Variants in PIWIL4 observed in about 807,000 individuals in gnomAD.
PIWIL4 encodes piwi like RNA-mediated gene silencing 4.
Under a neutral mutation model 100.9 loss-of-function variants are expected in PIWIL4, and 50 were observed. That is an observed-to-expected ratio of 0.50 (90% CI 0.39 to 0.63). The LOEUF (loss-of-function observed/expected upper bound fraction) is 0.63, where lower values mean the gene tolerates loss of function less well. Among genes scored for constraint, PIWIL4 ranks in the 20% least tolerant of loss-of-function variants. The pLI is 0.00. For missense variants in PIWIL4, 887 were observed against 1,043.3 expected (o/e 0.85, Z 2.06); for synonymous variants, 342 against 367.5 (o/e 0.93, Z 0.79).
At chr11:94,568,273 A>G (rs1297752884) in intron 1 of PIWIL4, among the ~76,000 whole-genome samples, 1 of 152,178 alleles carries the variant, frequency 6.6e-6, no homozygotes, top group African/African-American at 2.4e-5. Flanking sequence ...GTTACTATGA[A>G]AAGAGAAAAT....
At chr11:94,604,782 G>A (rs539109688) in intron 13 of PIWIL4, among the ~76,000 whole-genome samples, 2 of 152,242 alleles carry the variant, frequency 1.3e-5, no homozygotes, top group African/African-American at 4.8e-5. Flanking sequence ...CGCTCACTCA[G>A]TTCAACATCC....
intron 11 of PIWIL4, among the ~76,000 whole-genome samples, chr11:94,598,534 C>T (rs1948589807): frequency 1.3e-5 from 2 of 152,118 alleles, no homozygotes; most frequent in South Asian, 4.2e-4. Flanking sequence ...AAAAATTATA[C>T]ATTATCTTTC....
At chr11:94,611,833 A>G (rs921325249) in intron 15 of PIWIL4, among the ~76,000 whole-genome samples, 1 of 152,194 alleles carries the variant, frequency 6.6e-6, no homozygotes, top group African/African-American at 2.4e-5. Context: ...TGCTGGCACT[A>G]TGCTTTATGT....
chr11:94,617,837 C>T, intron 16 of PIWIL4, 117 bp from the exon 17 acceptor site: 3 of 1,050,382 alleles, frequency 2.9e-6, no homozygotes, highest in Admixed American at 2.0e-5. Flanking sequence ...TATGTATTGC[C>T]CTATTTTACA....
intron 6 of PIWIL4, 37 bp downstream of exon 6, chr11:94,585,562 T>C: frequency 6.8e-7 from 1 of 1,466,228 alleles, no homozygotes; most frequent in Non-Finnish European, 9.5e-7. Context: ...TCCGAAATTA[T>C]TATAATGTGA....
At chr11:94,587,429 G>GTCCACAAGC (rs1334603786) in intron 7 of PIWIL4, among the ~76,000 whole-genome samples, 182 bp downstream of exon 7, 1 of 152,168 alleles carries the variant, frequency 6.6e-6, no homozygotes. Context: ...ATTCTGGACT[G>GTCCACAAGC]TCCACAAGCT....
chr11:94,600,487 G>A lies in PIWIL4; in HGVS notation c.1381-1308G>A, dbSNP rs947280177. On this transcript the variant is annotated intron_variant, in intron 11 of 19. Coordinates refer to ENST00000299001, the MANE Select transcript of PIWIL4 (RefSeq NM_152431.3). ...AAAGGGGAGGGAGTGTACGAATAGGGTGTCGGTCACAAAGATCACGTACTT... is the reference window on the plus strand; with the variant it reads ...AAAGGGGAGGGAGTGTACGAATAGGATGTCGGTCACAAAGATCACGTACTT... Among the ~76,000 whole-genome samples, 8 of 152,270 alleles carry A rather than the reference G, an allele frequency of 5.3e-5. No homozygotes were observed. The South Asian group carries it at 1.0e-3, about 20-fold the overall frequency.
At chr11:94,568,934 C>T (rs1228249047) in intron 2 of PIWIL4, 126 bp downstream of exon 2, 66 of 794,344 alleles carry the variant, frequency 8.3e-5, no homozygotes, top group Non-Finnish European at 1.2e-5. Context: ...TGAAGGATCC[C>T]CTTTGTCATG....
Position 94,597,831 on chromosome 11 carries a change from G to C in PIWIL4, c.1296G>C (p.Glu432Asp). ...ATACCAATGCTCGCTTTGAACTAGA[G>C]ACCTGGGGACTGCATTTTGGAAGCC... is the stretch of plus-strand genomic sequence containing the variant. ...QRNTNARFEL[E>D]TWGLHFGSQI... Residue 432 changes from glutamate to aspartate, a missense_variant, in exon 11 of 20, where the codon GAG becomes GAC. Physicochemically the swap from Glu to Asp is conservative, Grantham distance 45 (BLOSUM62 2). Transcript: ENST00000299001. The C allele has an allele frequency of 2.5e-6, 4 of 1,613,882 alleles. No homozygotes were observed. Among genetic ancestry groups the C allele is most frequent in the Non-Finnish European group, 3.4e-6 (4 of 1,179,836 alleles).
At chr11:94,612,880 A>G (rs567565230) in intron 15 of PIWIL4, among the ~76,000 whole-genome samples, 43 of 152,262 alleles carry the variant, frequency 2.8e-4, no homozygotes, top group Non-Finnish European at 4.3e-4. Context: ...TTGTGTATAT[A>G]TGCATTAATT....
intron 7 of PIWIL4, among the ~76,000 whole-genome samples, chr11:94,587,449 C>T (rs866463486): frequency 1.3e-5 from 2 of 152,234 alleles, no homozygotes; most frequent in South Asian, 2.1e-4. Flanking sequence ...TCCAAATTCT[C>T]GCTTGCGGTA....
intron 11 of PIWIL4, among the ~76,000 whole-genome samples, chr11:94,600,076 T>C (rs952310316): frequency 6.6e-6 from 1 of 152,166 alleles, no homozygotes; most frequent in African/African-American, 2.4e-5. Flanking sequence ...GCCAAAGGCA[T>C]CATTCAATTA....
chr11:94,578,079 TC>T (rs1948263386), intron 4 of PIWIL4, among the ~76,000 whole-genome samples: 1 of 152,118 alleles, frequency 6.6e-6, no homozygotes, highest in African/African-American at 2.4e-5. Flanking sequence ...CTGGAGCATC[TC>T]AAGAAACTAT....
rs1334152598 is a variant in PIWIL4 at position 94,593,656 on chromosome 11, TTATACCTCTGTCAGGCTCCTGG to T, written c.1150+16_1150+37del. ...CTTTCTAACAGGTAATGTTTGTGTT[TTATACCTCTGTCAGGCTCCTGG>T]ATACAGGCCCCTGATGCTTGGCAGT... On this transcript the variant is annotated intron_variant, in intron 9 of 19. Transcript: ENST00000299001. 6.2e-7 allele frequency: 1 copy of T among 1,612,874 alleles called. No homozygotes were observed. The highest frequency in any genetic ancestry group is 2.2e-5 in the East Asian group (1 of 44,854).
At chr11:94,582,767 C>T (rs1211839926) in intron 4 of PIWIL4, among the ~76,000 whole-genome samples, 1 of 152,218 alleles carries the variant, frequency 6.6e-6, no homozygotes, top group African/African-American at 2.4e-5. Flanking sequence ...GACCTTTCAG[C>T]AATTTATAAA....
Position 94,592,611 on chromosome 11 carries a change from G to A in PIWIL4, c.1027-907G>A, listed in dbSNP as rs559730472. Among the ~76,000 whole-genome samples, 3 of 152,252 alleles carry A rather than the reference G, an allele frequency of 2.0e-5. No homozygotes were observed. In the South Asian group the frequency reaches 6.2e-4, roughly 32 times the overall value. ...AAAGTTTTTCTTGAAATATAGAAAT[G>A]CTCACATTTGACTTCTTTTATTGTG... On this transcript the variant is annotated intron_variant, in intron 8 of 19. Transcript: ENST00000299001.
At chr11:94,586,622 T>TA (rs944630137) in intron 6 of PIWIL4, among the ~76,000 whole-genome samples, 3 of 152,192 alleles carry the variant, frequency 2.0e-5, no homozygotes, top group African/African-American at 7.2e-5. Flanking sequence ...TTCCTATAGT[T>TA]ACGGTTTTCA....
At position 94,568,639 on chromosome 11, in the gene PIWIL4, A is replaced by G. The variant is rs1948107772; in HGVS notation, c.88-91A>G. ...ACATTTTCTTTGCCTAGTTCATGGT[A>G]ATCTAAAGACCTGACACTGTTCTTA... On this transcript the variant is annotated intron_variant, in intron 1 of 19. Transcript: ENST00000299001. The G allele has an allele frequency of 9.6e-6, 9 of 941,840 alleles. No homozygotes were observed. In the Admixed American group the frequency reaches 1.2e-4, roughly 13 times the overall value. The allele number at this position is 941,840 out of a possible 1,614,324, so 58.3% of individuals were successfully genotyped here.
chr11:94,578,969 C>G (rs1016208634), intron 4 of PIWIL4, among the ~76,000 whole-genome samples: 1 of 152,148 alleles, frequency 6.6e-6, no homozygotes, highest in Non-Finnish European at 1.5e-5. Context: ...TAAGATTTCA[C>G]TAGTAATTGA....
Sources: gnomAD v4.1 joint callset for allele counts (sites outside exome capture counted in the v4.1 genomes callset) on GRCh38, gnomAD v4.1.1 for gene constraint, MANE v1.5 for transcripts, NCBI Gene and HGNC (gene_info 2026-07-23, HGNC 2026-07-21) for gene names.